Variants in PTPRM observed in about 807,000 individuals in gnomAD.
PTPRM encodes protein tyrosine phosphatase receptor type M.
A neutral mutation model predicts 186.7 loss-of-function variants in PTPRM; 47 were observed. The observed-to-expected ratio is 0.25, with a 90% CI of 0.20 to 0.32. The LOEUF is 0.32. Ranked by LOEUF, PTPRM falls within the 10% of genes least tolerant of loss-of-function variation. The probability of loss-of-function intolerance (pLI) is 1.00; values close to 1 mark genes in which losing one functional copy is unlikely to be tolerated. For missense variants in PTPRM, 1,494 were observed against 1,865.0 expected, an observed-to-expected ratio of 0.80 and a Z score of 3.66; for synonymous variants, 668 against 674.9, an observed-to-expected ratio of 0.99 and a Z score of 0.16.
At chr18:8,178,374 A>G (rs1394798781) in intron 14 of PTPRM, among the ~76,000 whole-genome samples, 1 of 152,220 alleles carries the variant, frequency 6.6e-6, no homozygotes, top group African/African-American at 2.4e-5. Context: ...ATTAAAAACA[A>G]ATCATGATAG....
intron 4 of PTPRM, among the ~76,000 whole-genome samples, chr18:7,911,625 T>C (rs879544035): frequency 1.3e-4 from 20 of 152,178 alleles, no homozygotes; most frequent in Non-Finnish European, 2.8e-4. Flanking sequence ...TACAAATTCC[T>C]TATCAGACAT....
chr18:7,840,334 A>T (rs1428073677), intron 2 of PTPRM, among the ~76,000 whole-genome samples: 2 of 152,182 alleles, frequency 1.3e-5, no homozygotes, highest in African/African-American at 4.8e-5. Flanking sequence ...TATTTTTTCA[A>T]GAAAAAAGGT....
At chr18:8,365,449 T>C (rs2095622899) in intron 23 of PTPRM, among the ~76,000 whole-genome samples, 1 of 152,222 alleles carries the variant, frequency 6.6e-6, no homozygotes. Context: ...CAGTTCAAAG[T>C]AGAAACTGCT....
chr18:7,780,787 A>G (rs907401086), intron 2 of PTPRM, among the ~76,000 whole-genome samples: 1 of 152,136 alleles, frequency 6.6e-6, no homozygotes, highest in Non-Finnish European at 1.5e-5. Context: ...TTAGAGAGCA[A>G]TGGGGGTTGC....
At chr18:7,787,977 A>G (rs1386106172) in intron 2 of PTPRM, among the ~76,000 whole-genome samples, 3 of 152,214 alleles carry the variant, frequency 2.0e-5, no homozygotes, top group Non-Finnish European at 4.4e-5. Flanking sequence ...TCTTATGATC[A>G]TGAAAATAGT....
At chr18:7,892,050 T>TAGGTTCTTCCTAGAATAGGAGA (rs2049110625) in intron 3 of PTPRM, among the ~76,000 whole-genome samples, 1 of 152,186 alleles carries the variant, frequency 6.6e-6, no homozygotes. Context: ...CCACTGCCCC[T>TAGGTTCTTCCTAGAATAGGAGA]CTGGGACCTA....
chr18:8,361,879 T>G (rs939262435), intron 23 of PTPRM, among the ~76,000 whole-genome samples: 3 of 152,334 alleles, frequency 2.0e-5, no homozygotes, highest in African/African-American at 7.2e-5. Context: ...CTACAAAAAC[T>G]TTATCCGAGG....
chr18:8,209,974 A>G (rs376562107), intron 14 of PTPRM, among the ~76,000 whole-genome samples: 1 of 141,988 alleles, frequency 7.0e-6, no homozygotes, highest in Non-Finnish European at 1.5e-5. Flanking sequence ...TGTATCCCGG[A>G]ACTTGAAGTA....
intron 22 of PTPRM, among the ~76,000 whole-genome samples, chr18:8,330,983 C>T (rs987379014): frequency 1.3e-5 from 2 of 152,148 alleles, no homozygotes; most frequent in Non-Finnish European, 2.9e-5. Context: ...ACTACCTACC[C>T]CCATTTTATT....
chr18:8,126,006 TATATATATATATATATATA>T (rs1232066619), intron 13 of PTPRM, among the ~76,000 whole-genome samples: 827 of 23,934 alleles, frequency 0.035, 75 homozygotes, highest in Non-Finnish European at 0.064. Context: ...TATATATATA[TATATATATATATATATATA>T]TATTTTAAAT....
At chr18:7,587,828 C>T (rs1052900587) in intron 1 of PTPRM, among the ~76,000 whole-genome samples, 4 of 152,064 alleles carry the variant, frequency 2.6e-5, no homozygotes, top group African/African-American at 7.2e-5. Flanking sequence ...ATGATTCCAT[C>T]GCAAAGCAGT....
intron 7 of PTPRM, among the ~76,000 whole-genome samples, chr18:8,005,888 T>G (rs1314858605): frequency 6.6e-6 from 1 of 152,240 alleles, no homozygotes; most frequent in African/African-American, 2.4e-5. Context: ...TGATTAAAAA[T>G]AATTTTAAGT....
At chr18:7,578,699 C>G (rs1160521479) in intron 1 of PTPRM, among the ~76,000 whole-genome samples, 1 of 150,802 alleles carries the variant, frequency 6.6e-6, no homozygotes, top group East Asian at 2.0e-4. Context: ...CTCAAAACAC[C>G]TGGGTTCAAG....
intron 11 of PTPRM, 66 bp downstream of exon 11, chr18:8,088,917 C>T (rs1262046669): frequency 8.1e-7 from 1 of 1,240,610 alleles, no homozygotes; most frequent in Non-Finnish European, 1.2e-6. Flanking sequence ...TTAATTCCTC[C>T]AATGTGTTTT....
chr18:8,352,652 G>GT (rs142090056), intron 23 of PTPRM, among the ~76,000 whole-genome samples: 31,688 of 99,472 alleles, frequency 0.32, 3,807 homozygotes, highest in East Asian at 0.47. Context: ...TTTTTGGTTT[G>GT]GTTTTTTTTG....
At chr18:8,329,466 A>G (rs1394718261) in intron 22 of PTPRM, among the ~76,000 whole-genome samples, 1 of 152,224 alleles carries the variant, frequency 6.6e-6, no homozygotes, top group Admixed American at 6.5e-5. Context: ...AACAGGAAGA[A>G]AAACTGTGAG....
intron 14 of PTPRM, among the ~76,000 whole-genome samples, chr18:8,191,521 A>G (rs2093709359): frequency 6.6e-6 from 1 of 152,216 alleles, no homozygotes; most frequent in Non-Finnish European, 1.5e-5. Context: ...ACAAGGTGCA[A>G]ATGACTGTAC....
chr18:7,895,057 G>C lies in PTPRM; in HGVS notation c.468+6680G>C, dbSNP rs563490984. Among the ~76,000 whole-genome samples, 7 of 152,300 alleles carry C rather than the reference G, an allele frequency of 4.6e-5. No individual in the cohort carries two copies. The South Asian group carries it at 8.3e-4, about 18-fold the overall frequency. On this transcript the variant is annotated intron_variant, in intron 3 of 32. Transcript: ENST00000580170. ...ATTATAAATTGTTTGCACATGGGCA[G>C]CATCAGAGGACAGTAAAAGAACATA...
chr18:8,048,180 CTA>C (rs918220030), intron 7 of PTPRM, among the ~76,000 whole-genome samples: 3 of 151,950 alleles, frequency 2.0e-5, no homozygotes, highest in South Asian at 2.1e-4. Context: ...CACACAAAAA[CTA>C]TGTTTAGGGA....
Sources: gnomAD v4.1 joint callset for allele counts (sites outside exome capture counted in the v4.1 genomes callset) on GRCh38, gnomAD v4.1.1 for gene constraint, MANE v1.5 for transcripts, NCBI Gene and HGNC (gene_info 2026-07-23, HGNC 2026-07-21) for gene names.